The following SLF2 variants were observed in gnomAD, a reference collection of about 807,000 sequenced individuals.
The protein encoded by SLF2 is SMC5/6 complex localization factor 2.
SLF2 carries 68 observed loss-of-function variants against 124.3 expected under a neutral mutation model. That is an observed-to-expected ratio of 0.55 (90% confidence interval 0.45 to 0.67). The LOEUF is 0.67. SLF2 is among the 30% of genes least tolerant of loss of function. SLF2 has a pLI of 0.00. For missense variants in SLF2, 1,246 were observed against 1,373.7 expected (o/e 0.91, Z 1.47); for synonymous variants, 480 against 478.8 (o/e 1.00, Z -0.03).
chr10:100,924,262 A>C lies in SLF2; in HGVS notation c.1261A>C (p.Arg421=), dbSNP rs550384667. The change falls in exon 5 of 20, where the codon AGG becomes CGG. Residue 421 remains arginine, a synonymous_variant. Transcript: ENST00000238961. ...NSGNSGHHST[R]NSDQIQVAGT... ...TGGCAATTCTGGCCACCATTCTACC[A>C]GGAATAGTGACCAAATCCAAGTGGC... 1.9e-6 allele frequency: 3 copies of C among 1,614,176 alleles called. No homozygotes were observed. In the East Asian group the frequency reaches 6.7e-5, roughly 36 times the overall value.
chr10:100,930,882 C>T, intron 8 of SLF2, 94 bp from the exon 9 acceptor site: 1 of 941,190 alleles, frequency 1.1e-6, no homozygotes, highest in East Asian at 2.4e-5. Context: ...TTTGCTTGCT[C>T]ATTTCTCTGA....
At chr10:100,955,542 T>C (rs1026562855) in intron 17 of SLF2, among the ~76,000 whole-genome samples, 10 of 152,106 alleles carry the variant, frequency 6.6e-5, no homozygotes, top group African/African-American at 2.4e-4. Flanking sequence ...GGAGGATCAC[T>C]TGAAGCCATG....
In SLF2 at chr10:100,913,215, T is replaced by C; in HGVS notation, c.105T>C (p.Ala35=). Residue 35 remains alanine, a synonymous_variant, in exon 1 of 20, where the codon GCT becomes GCC. Transcript: ENST00000238961. ...TGAGACCCGGTAGTACCGCCCATGCTGCAGCGGGAAAGAGAACAGAGAGTC... is the reference window on the plus strand; with the variant it reads ...TGAGACCCGGTAGTACCGCCCATGCCGCAGCGGGAAAGAGAACAGAGAGTC... The part of the protein sequence containing the change: ...CHLRPGSTAH[A]AAGKRTESPG... 1 of 1,611,712 alleles carries C rather than the reference T, an allele frequency of 6.2e-7. No individual in the cohort carries two copies. The highest frequency in any genetic ancestry group is 8.5e-7 in the Non-Finnish European group (1 of 1,179,010).
rs1019287906 is a variant in SLF2, at chr10:100,913,274, G to C, written c.140+24G>C. On this transcript the variant is annotated intron_variant, in intron 1 of 19. Transcript: ENST00000238961. ...AGGTACCGTGCAGAGGGCTTGAGAAGGGGCCGGGTCGCGGGGGCAAGGGTA... is the reference window on the plus strand; with the variant it reads ...AGGTACCGTGCAGAGGGCTTGAGAACGGGCCGGGTCGCGGGGGCAAGGGTA... The C allele has an allele frequency of 1.9e-6, 3 of 1,554,302 alleles. No individual in the cohort carries two copies. In the Admixed American group the frequency reaches 5.7e-5, roughly 30 times the overall value.
In SLF2 at chr10:100,959,438, T is replaced by G; in HGVS notation, c.3428T>G (p.Leu1143Trp). 2 of 1,606,516 alleles carry G rather than the reference T, an allele frequency of 1.2e-6. No individual in the cohort carries two copies. The highest frequency in any genetic ancestry group is 1.7e-6 in the Non-Finnish European group (2 of 1,178,092). The change falls in exon 19 of 20, where the codon TTG becomes TGG. Residue 1143 changes from leucine (L) to tryptophan (W), a missense_variant. Coordinates refer to ENST00000238961, the MANE Select transcript of SLF2 (RefSeq NM_018121.4). ...TTTGATATTTTTAAGGTGAAAGACT[T>G]GGTCGCCAGGATACATGGAAAATGG... ...RLFYRTKVKD[L>W]VARIHGKWQE...
intron 17 of SLF2, among the ~76,000 whole-genome samples, chr10:100,954,941 C>CTT (rs753768937): frequency 6.9e-4 from 95 of 137,060 alleles, no homozygotes; most frequent in East Asian, 3.3e-3. Context: ...GCAAGACTCT[C>CTT]TTTTTTTTTT....
Position 100,924,426 on chromosome 10 carries a change from A to AC in SLF2, c.1426dup (p.Leu476ProfsTer17). The AC allele has an allele frequency of 6.2e-7, 1 of 1,614,204 alleles. No homozygotes were observed. The highest frequency in any genetic ancestry group is 8.5e-7 in the Non-Finnish European group (1 of 1,180,040). ...AGGAGAAGGAGACAAAACTACCTTTACTTTCCCGTGTTCCAAGTGCTGGTT... is the reference window on the plus strand; with the variant it reads ...AGGAGAAGGAGACAAAACTACCTTTACCTTTCCCGTGTTCCAAGTGCTGGTT... On this transcript the variant is annotated frameshift_variant, in exon 5 of 20. Coordinates refer to ENST00000238961, the MANE Select transcript of SLF2 (RefSeq NM_018121.4). LOFTEE classifies it high-confidence loss of function.
chr10:100,961,940 C>T lies in SLF2; in HGVS notation c.*28C>T, dbSNP rs1850433619. Reference sequence around the variant, plus strand: ...GGAGTTGCAGCAGCAAAAATATGAACCAAGAGAAATTCAATAAGAGCCTTT... The same window carrying T: ...GGAGTTGCAGCAGCAAAAATATGAATCAAGAGAAATTCAATAAGAGCCTTT... On this transcript the variant is annotated 3_prime_UTR_variant, in exon 20 of 20. Transcript: ENST00000238961. 1.3e-6 allele frequency: 2 copies of T among 1,591,706 alleles called. No homozygotes were observed. Among genetic ancestry groups the T allele is most frequent in the Non-Finnish European group, 1.7e-6 (2 of 1,164,084 alleles).
intron 11 of SLF2, 115 bp downstream of exon 11, chr10:100,938,851 G>C (rs1849914914): frequency 2.0e-6 from 2 of 976,346 alleles, no homozygotes; most frequent in Non-Finnish European, 2.8e-6. Flanking sequence ...TCAAAGTTGA[G>C]ATCAATCTTG....
Position 100,964,311 on chromosome 10 carries a change from G to A in SLF2, c.*2399G>A, listed in dbSNP as rs528057972. ...CAAAAATCACCTTGTCTAATTTTAT[G>A]GATATGTATGGCAAACTTATTACCC... On this transcript the variant is annotated 3_prime_UTR_variant, in exon 20 of 20. Coordinates refer to ENST00000238961, the MANE Select transcript of SLF2 (RefSeq NM_018121.4). 1.3e-5 allele frequency: 2 copies of A among 152,732 alleles called. No individual in the cohort carries two copies. The highest frequency in any genetic ancestry group is 3.9e-4 in the East Asian group (2 of 5,188). 9.5% of individuals were successfully genotyped at this position (152,732 alleles called of 1,614,324 possible). A position where few individuals can be genotyped will look rare whatever the true frequency, so the allele number is the denominator to read the frequency against.
At chr10:100,954,026 G>C (rs775566127) in intron 17 of SLF2, among the ~76,000 whole-genome samples, 1 of 151,950 alleles carries the variant, frequency 6.6e-6, no homozygotes, top group African/African-American at 2.4e-5. Context: ...GTAGGCCGAG[G>C]CATGCAGATC....
rs1850083517 is a variant in SLF2 at position 100,945,333 on chromosome 10, C to G, written c.2761C>G (p.Leu921Val). 6.4e-7 allele frequency: 1 copy of G among 1,570,958 alleles called. No homozygotes were observed. Among genetic ancestry groups the G allele is most frequent in the Non-Finnish European group, 8.6e-7 (1 of 1,168,562 alleles). The part of the protein sequence containing the change: ...ETNILNVVKF[L>V]GLCTSIHPEG... ...TCTGTGCATTTATGTTAAACAGTTT[C>G]TAGGCTTGTGTACATCTATACATCC... The change falls in exon 13 of 20, where the codon CTA becomes GTA. Residue 921 changes from leucine (L) to valine (V), a missense_variant. Leu to Val is a conservative substitution (Grantham distance 32). This residue lies in a region of SLF2 where 535 missense variants were observed against 632.8 expected (regional missense o/e 0.85). Coordinates refer to ENST00000238961, the MANE Select transcript of SLF2 (RefSeq NM_018121.4).
intron 4 of SLF2, among the ~76,000 whole-genome samples, chr10:100,919,001 C>CTTTTTTTTTTT (rs528512219): frequency 9.5e-6 from 1 of 105,708 alleles, no homozygotes; most frequent in Non-Finnish European, 1.8e-5. Context: ...GAAACATAAT[C>CTTTTTTTTTTT]TTTTTTTTTT....
intron 6 of SLF2, chr10:100,926,263 G>T: frequency 6.6e-7 from 1 of 1,505,908 alleles, no homozygotes; most frequent in Non-Finnish European, 8.8e-7. Flanking sequence ...GAGTCGTGAT[G>T]GCGCCACTTC....
chr10:100,916,923 C>G lies in SLF2; in HGVS notation c.538C>G (p.His180Asp), dbSNP rs1382501432. 2 of 1,614,136 alleles carry G rather than the reference C, an allele frequency of 1.2e-6. No homozygotes were observed. Among genetic ancestry groups the G allele is most frequent in the South Asian group, 1.1e-5 (1 of 91,082 alleles). ...AGAGAGAAGGAAGTCACTATTCATT[C>G]ATGAAAATAATGAGAAGAATGATAG... ...SPERRKSLFI[H>D]ENNEKNDRDR... The change falls in exon 3 of 20, where the codon CAT becomes GAT. Residue 180 changes from histidine to aspartate, a missense_variant. Transcript: ENST00000238961.
At chr10:100,918,327 C>T (rs1849460017) in intron 3 of SLF2, 57 bp from the exon 4 acceptor site, 3 of 1,112,882 alleles carry the variant, frequency 2.7e-6, no homozygotes, top group African/African-American at 1.6e-5. Flanking sequence ...GGAAGAATGC[C>T]TTCACATTCT....
In SLF2 at chr10:100,923,995, T is replaced by C; in HGVS notation, c.994T>C (p.Phe332Leu). The C allele has an allele frequency of 6.4e-7, 1 of 1,551,666 alleles. No homozygotes were observed. The highest frequency in any genetic ancestry group is 1.3e-5 in the South Asian group (1 of 79,776). The change falls in exon 5 of 20, where the codon TTC (phenylalanine) becomes CTC (leucine). Residue 332 changes from phenylalanine (F) to leucine (L), a missense_variant. Physicochemically the swap from Phe to Leu is conservative, Grantham distance 22. This residue lies in a region of SLF2 where 698 missense variants were observed against 708.9 expected (regional missense o/e 0.98). Coordinates refer to ENST00000238961, the MANE Select transcript of SLF2 (RefSeq NM_018121.4). ...PTSAGSKQNK[F>L]PEKRKRNSVD... ...TTTAGCAGGCTCTAAGCAGAATAAA[T>C]TCCCTGAAAAAAGAAAAAGGAACTC...
chr10:100,940,817 C>A (rs1849960884), intron 11 of SLF2, among the ~76,000 whole-genome samples: 1 of 76,204 alleles, frequency 1.3e-5, no homozygotes, highest in African/African-American at 3.6e-5. Context: ...GCCCCTGCCC[C>A]TTCTCCTTCC....
chr10:100,927,026 A>T (rs1246101589), intron 6 of SLF2, among the ~76,000 whole-genome samples: 5 of 152,194 alleles, frequency 3.3e-5, no homozygotes, highest in Non-Finnish European at 7.3e-5. Context: ...TGTTTATTAC[A>T]ACTAGTATCT....
Sources: allele counts gnomAD v4.1 joint callset (sites outside exome capture counted in the v4.1 genomes callset), GRCh38; gene constraint gnomAD v4.1.1; regional missense constraint gnomAD v4.1.1; transcripts MANE v1.5; gene names NCBI Gene and HGNC (gene_info 2026-07-23, HGNC 2026-07-21).